Variants in ECT2L observed in about 807,000 individuals in gnomAD.
ECT2L encodes epithelial cell-transforming sequence 2 oncogene-like.
ECT2L carries 126 observed loss-of-function variants against 122.8 expected under a neutral mutation model. The ratio of observed to expected loss-of-function variants is 1.03; its 90% confidence interval spans 0.89 to 1.19. The LOEUF (loss-of-function observed/expected upper bound fraction) is 1.19. Among genes scored for constraint, ECT2L ranks in the 50% most tolerant of loss-of-function variants. ECT2L has a pLI of 0.00. For synonymous variants in ECT2L, 385 were observed against 381.8 expected, an observed-to-expected ratio of 1.01 and a Z score of -0.10; for missense variants, 1,012 against 1,064.1, an observed-to-expected ratio of 0.95 and a Z score of 0.68.
chr6:138,819,134 A>G (rs566283864), intron 4 of ECT2L, among the ~76,000 whole-genome samples: 19 of 152,190 alleles, frequency 1.2e-4, no homozygotes, highest in African/African-American at 4.6e-4. Flanking sequence ...AGTATTCTGC[A>G]CATGTTCCTG....
Position 138,843,035 on chromosome 6 carries a change from A to G in ECT2L, c.399A>G (p.Pro133=). The G allele has an allele frequency of 6.2e-7, 1 of 1,611,518 alleles. No individual in the cohort carries two copies. Among genetic ancestry groups the G allele is most frequent in the South Asian group, 1.1e-5 (1 of 90,722 alleles). Residue 133 remains proline (P), a synonymous_variant, in exon 6 of 22, where the codon CCA becomes CCG. Transcript: ENST00000541398. ...VKFGWFLPYT[P]TDNEYGAWKR... The stretch of plus-strand genomic sequence containing the variant: ...TCGGATGGTTTCTGCCCTATACTCC[A>G]ACAGATAATGAGTATGGTGCTTGGA...
In ECT2L at chr6:138,850,693, C is replaced by T. The variant is rs547948808; in HGVS notation, c.1069+1259C>T. On this transcript the variant is annotated intron_variant, in intron 9 of 21. Coordinates refer to ENST00000541398, the MANE Select transcript of ECT2L (RefSeq NM_001077706.3). ...GGGATTGATGGATTATATGATAGTT[C>T]TATTTTTACCTTTTAAAGAAATCTC... is the stretch of plus-strand genomic sequence containing the variant. Among the ~76,000 whole-genome samples, 4 of 152,176 alleles carry T rather than the reference C, an allele frequency of 2.6e-5. No individual in the cohort carries two copies. The South Asian group carries it at 8.3e-4, about 32-fold the overall frequency.
chr6:138,841,343 T>G (rs1268383578), intron 5 of ECT2L, among the ~76,000 whole-genome samples: 1 of 152,230 alleles, frequency 6.6e-6, no homozygotes, highest in Non-Finnish European at 1.5e-5. Flanking sequence ...TTTGAGTCTC[T>G]GGGTGATGTT....
chr6:138,871,496 C>T (rs1366412849), intron 13 of ECT2L, among the ~76,000 whole-genome samples: 2 of 152,206 alleles, frequency 1.3e-5, no homozygotes, highest in Non-Finnish European at 2.9e-5. Context: ...CAGCAGCACA[C>T]GGCCTGCCGT....
chr6:138,885,916 TC>T, intron 18 of ECT2L, 86 bp downstream of exon 18: 1 of 1,362,286 alleles, frequency 7.3e-7, no homozygotes, highest in Non-Finnish European at 1.0e-6. Flanking sequence ...AGACACCTTA[TC>T]TTCTTGTGGG....
At chr6:138,865,351 C>G (rs58118058) in intron 12 of ECT2L, among the ~76,000 whole-genome samples, 173 bp downstream of exon 12, 2,282 of 152,252 alleles carry the variant, frequency 0.015, 39 homozygotes, top group African/African-American at 0.047. Context: ...CAACCACTAA[C>G]AACAAATATA....
At chr6:138,872,066 C>G (rs867520145) in intron 13 of ECT2L, among the ~76,000 whole-genome samples, 2 of 152,042 alleles carry the variant, frequency 1.3e-5, no homozygotes, top group African/African-American at 4.8e-5. Flanking sequence ...CCTTGAACTC[C>G]TGGGCTGAAG....
chr6:138,849,368 G>C lies in ECT2L; in HGVS notation c.1003G>C (p.Gly335Arg). The change falls in exon 9 of 22, where the codon GGG (glycine) becomes CGG (arginine). Residue 335 changes from glycine (G) to arginine (R), a missense_variant. Gly to Arg is a moderately radical substitution (Grantham distance 125). Transcript: ENST00000541398. ...GTATCTTATAGAAAAAGCTCTGGAT[G>C]GGCAGAAGGCACAGAGCATCGGAAT... ...LLYLIEKALD[G>R]QKAQSIGIFS... 1.2e-6 allele frequency: 2 copies of C among 1,613,938 alleles called. No individual in the cohort carries two copies. Among genetic ancestry groups the C allele is most frequent in the Non-Finnish European group, 1.7e-6 (2 of 1,179,992 alleles).
chr6:138,882,881 T>C lies in ECT2L; in HGVS notation c.2028+10T>C. On this transcript the variant is annotated intron_variant, in intron 16 of 21. Coordinates refer to ENST00000541398, the MANE Select transcript of ECT2L (RefSeq NM_001077706.3). The stretch of plus-strand genomic sequence containing the variant: ...GAAAACTATTGAGAAGGTAAATGAG[T>C]TTCAATTCCATCATTCTATAAGACC... 1 of 1,611,544 alleles carries C rather than the reference T, an allele frequency of 6.2e-7. No homozygotes were observed. The highest frequency in any genetic ancestry group is 8.5e-7 in the Non-Finnish European group (1 of 1,179,156).
intron 20 of ECT2L, among the ~76,000 whole-genome samples, chr6:138,891,604 G>GA (rs1443555676): frequency 6.6e-6 from 1 of 151,970 alleles, no homozygotes; most frequent in Non-Finnish European, 1.5e-5. Context: ...CCATGACCTG[G>GA]AAGCCCCTAA....
intron 20 of ECT2L, among the ~76,000 whole-genome samples, chr6:138,889,597 G>C (rs1228974140): frequency 1.3e-5 from 2 of 152,210 alleles, no homozygotes; most frequent in Non-Finnish European, 2.9e-5. Flanking sequence ...TGGGATTACA[G>C]GCATGAGCCA....
intron 10 of ECT2L, among the ~76,000 whole-genome samples, chr6:138,855,243 C>CA (rs1304684394): frequency 2.0e-5 from 3 of 151,978 alleles, no homozygotes; most frequent in African/African-American, 7.2e-5. Flanking sequence ...TGTGGTGGCT[C>CA]ACACCTGTAA....
At chr6:138,834,333 A>G (rs570027441) in intron 4 of ECT2L, among the ~76,000 whole-genome samples, 1 of 152,174 alleles carries the variant, frequency 6.6e-6, no homozygotes, top group South Asian at 2.1e-4. Flanking sequence ...TCTGCTGATC[A>G]TGTATTTTTT....
At chr6:138,797,377 C>T (rs949956312) in intron 1 of ECT2L, among the ~76,000 whole-genome samples, 2 of 152,152 alleles carry the variant, frequency 1.3e-5, no homozygotes, top group African/African-American at 4.8e-5. Context: ...GCACAATTTG[C>T]ATGTGTGAAT....
intron 1 of ECT2L, among the ~76,000 whole-genome samples, chr6:138,803,233 C>T (rs956433722): frequency 6.7e-6 from 1 of 149,344 alleles, no homozygotes; most frequent in Non-Finnish European, 1.5e-5. Context: ...CCAGTCTGAA[C>T]AACACAGTGA....
At chr6:138,889,756 T>C (rs1474323924) in intron 20 of ECT2L, among the ~76,000 whole-genome samples, 1 of 152,224 alleles carries the variant, frequency 6.6e-6, no homozygotes, top group African/African-American at 2.4e-5. Context: ...TTACAGTATT[T>C]AGTTTGCACA....
At chr6:138,830,979 G>C (rs1467117336) in intron 4 of ECT2L, among the ~76,000 whole-genome samples, 1 of 152,022 alleles carries the variant, frequency 6.6e-6, no homozygotes, top group Non-Finnish European at 1.5e-5. Flanking sequence ...ATTTAATTTT[G>C]AATGTCTTGA....
chr6:138,864,918 T>C, intron 11 of ECT2L, 78 bp from the exon 12 acceptor site: 1 of 1,366,484 alleles, frequency 7.3e-7, no homozygotes, highest in Non-Finnish European at 1.0e-6. Context: ...ACTAAGATTT[T>C]GTTGTACTTT....
intron 8 of ECT2L, among the ~76,000 whole-genome samples, chr6:138,847,984 G>A (rs1427924066): frequency 6.6e-6 from 1 of 152,196 alleles, no homozygotes; most frequent in African/African-American, 2.4e-5. Context: ...CTAAGGGGAA[G>A]CAAGGACCTT....
Sources: gnomAD v4.1 joint callset for allele counts (sites outside exome capture counted in the v4.1 genomes callset) on GRCh38, gnomAD v4.1.1 for gene constraint, MANE v1.5 for transcripts, NCBI Gene and HGNC (gene_info 2026-07-23, HGNC 2026-07-21) for gene names.